The following ERP44 variants were observed in gnomAD, a reference collection of about 807,000 sequenced individuals.
ERP44 encodes endoplasmic reticulum resident protein 44.
A neutral mutation model predicts 53.4 loss-of-function variants in ERP44; 25 were observed. The observed-to-expected ratio is 0.47, with a 90% CI of 0.34 to 0.65. The LOEUF (loss-of-function observed/expected upper bound fraction) is 0.65. Among genes scored for constraint, ERP44 ranks in the 30% least tolerant of loss-of-function variants. The probability of loss-of-function intolerance (pLI) is 0.01; values close to 1 mark genes in which losing one functional copy is unlikely to be tolerated. For synonymous variants in ERP44, 145 were observed against 161.2 expected (o/e 0.90, Z 0.76); for missense variants, 338 against 493.2 (o/e 0.69, Z 2.98).
At chr9:100,063,879 G>A (rs1358114211) in intron 1 of ERP44, among the ~76,000 whole-genome samples, 1 of 152,060 alleles carries the variant, frequency 6.6e-6, no homozygotes, top group Non-Finnish European at 1.5e-5. Flanking sequence ...TGCATTTACT[G>A]TACCAACTAT....
intron 4 of ERP44, among the ~76,000 whole-genome samples, chr9:100,041,384 C>T (rs566146193): frequency 2.6e-5 from 4 of 152,192 alleles, no homozygotes; most frequent in Non-Finnish European, 5.9e-5. Flanking sequence ...AAAGAACAGA[C>T]ACAGGCCAGG....
intron 4 of ERP44, among the ~76,000 whole-genome samples, chr9:100,032,783 T>C (rs949090031): frequency 6.6e-6 from 1 of 152,222 alleles, no homozygotes; most frequent in African/African-American, 2.4e-5. Context: ...TAATCAACTC[T>C]AGAACTCTAA....
chr9:99,985,585 C>T (rs962881666), intron 10 of ERP44, among the ~76,000 whole-genome samples: 1 of 152,188 alleles, frequency 6.6e-6, no homozygotes, highest in Admixed American at 6.5e-5. Flanking sequence ...ACCAGGTGAT[C>T]CTCTGCAGCC....
chr9:100,064,827 A>T (rs745883531), intron 1 of ERP44, among the ~76,000 whole-genome samples: 36 of 152,212 alleles, frequency 2.4e-4, no homozygotes, highest in Non-Finnish European at 3.4e-4. Context: ...AAAGCTAAAA[A>T]GAAAAAAATA....
chr9:100,059,809 T>C (rs1826123186), intron 2 of ERP44, among the ~76,000 whole-genome samples: 3 of 152,178 alleles, frequency 2.0e-5, no homozygotes, highest in African/African-American at 4.8e-5. Flanking sequence ...GGCTGTGTCC[T>C]AAGGTCATTA....
chr9:100,079,943 C>CAA (rs11334671), intron 1 of ERP44, among the ~76,000 whole-genome samples: 4 of 121,502 alleles, frequency 3.3e-5, no homozygotes, highest in Non-Finnish European at 5.8e-5. Flanking sequence ...TTAAAAAAAA[C>CAA]AAAAAAAAAA....
intron 1 of ERP44, among the ~76,000 whole-genome samples, chr9:100,067,156 G>GCTCTCCCTCTCC (rs1416810019): frequency 6.6e-6 from 1 of 151,822 alleles, no homozygotes; most frequent in African/African-American, 2.4e-5. Flanking sequence ...TCTCGCTCTC[G>GCTCTCCCTCTCC]CTCTCCCTCT....
chr9:100,066,361 A>G (rs775613173), intron 1 of ERP44, among the ~76,000 whole-genome samples: 20 of 152,242 alleles, frequency 1.3e-4, no homozygotes, highest in Admixed American at 6.5e-4. Context: ...GCTCAAAAAA[A>G]CAGCTTAAAC....
intron 1 of ERP44, among the ~76,000 whole-genome samples, chr9:100,067,811 G>C (rs1264258372): frequency 6.7e-6 from 1 of 149,122 alleles, no homozygotes; most frequent in Admixed American, 6.7e-5. Context: ...GCCGCCCATC[G>C]TCTGAGATGT....
At chr9:100,056,607 T>G (rs945195442) in intron 3 of ERP44, among the ~76,000 whole-genome samples, 6 of 152,142 alleles carry the variant, frequency 3.9e-5, no homozygotes, top group African/African-American at 1.4e-4. Flanking sequence ...AGAGTAGGGG[T>G]AGGTGTATTG....
chr9:100,007,554 A>T, intron 9 of ERP44, 24 bp downstream of exon 9: 1 of 1,129,636 alleles, frequency 8.9e-7, no homozygotes, highest in Non-Finnish European at 1.3e-6. Flanking sequence ...GAAATGATGA[A>T]AATAAACACC....
chr9:100,067,671 G>C (rs1826233764), intron 1 of ERP44, among the ~76,000 whole-genome samples: 1 of 151,684 alleles, frequency 6.6e-6, no homozygotes, highest in Admixed American at 6.6e-5. Flanking sequence ...GAGTTGAGGA[G>C]CCCCTCTGCC....
intron 1 of ERP44, among the ~76,000 whole-genome samples, chr9:100,090,441 T>G (rs1461839047): frequency 2.6e-5 from 4 of 152,164 alleles, no homozygotes; most frequent in African/African-American, 9.7e-5. Flanking sequence ...CCCTACATTA[T>G]TTAAAACTTC....
At chr9:100,074,172 G>A (rs961903891) in intron 1 of ERP44, among the ~76,000 whole-genome samples, 2 of 152,152 alleles carry the variant, frequency 1.3e-5, no homozygotes, top group South Asian at 4.1e-4. Context: ...GGTAAATTTC[G>A]CTAGAGCCAA....
intron 9 of ERP44, 110 bp downstream of exon 9, chr9:100,007,468 T>C (rs1337303233): frequency 9.1e-6 from 6 of 656,968 alleles, no homozygotes; most frequent in Non-Finnish European, 1.4e-5. Flanking sequence ...AATAAGTTTT[T>C]AACCCAAATA....
chr9:100,084,856 C>G (rs925621770), intron 1 of ERP44, among the ~76,000 whole-genome samples: 6 of 152,198 alleles, frequency 3.9e-5, no homozygotes, highest in African/African-American at 9.7e-5. Context: ...TCCAGAGACA[C>G]TAGATACTAC....
chr9:100,072,558 T>C (rs1232263923), intron 1 of ERP44, among the ~76,000 whole-genome samples: 2 of 152,188 alleles, frequency 1.3e-5, no homozygotes, highest in Non-Finnish European at 2.9e-5. Context: ...GTTTTGCTCT[T>C]GTTGTCCAAG....
In ERP44 at chr9:100,022,232, A is replaced by C. The variant is rs772530487; in HGVS notation, c.287-6T>G. The C allele has an allele frequency of 6.2e-7, 1 of 1,602,866 alleles. No homozygotes were observed. Among genetic ancestry groups the C allele is most frequent in the African/African-American group, 1.3e-5 (1 of 74,210 alleles). On this transcript the variant is annotated splice_polypyrimidine_tract_variant and splice_region_variant and intron_variant, in intron 4 of 11. Coordinates refer to ENST00000262455, the MANE Select transcript of ERP44 (RefSeq NM_015051.3). ...GTATCTCTGGGCTATGTCAGCTAAAAGAATGAAAAAAAATTATTTACCCTC... is the reference window on the plus strand; with the variant it reads ...GTATCTCTGGGCTATGTCAGCTAAACGAATGAAAAAAAATTATTTACCCTC...
Position 100,021,388 on chromosome 9 carries a change from C to T in ERP44, c.471+654G>A, listed in dbSNP as rs142831412. ...GGGCAAGGAAACAAATGCAAACATGCTCACACTACTTGCTGTGATGTGAGC... is the reference window on the plus strand; with the variant it reads ...GGGCAAGGAAACAAATGCAAACATGTTCACACTACTTGCTGTGATGTGAGC... On this transcript the variant is annotated intron_variant, in intron 5 of 11. Coordinates refer to ENST00000262455, the MANE Select transcript of ERP44 (RefSeq NM_015051.3). Among the ~76,000 whole-genome samples, 5 of 152,324 alleles carry T rather than the reference C, an allele frequency of 3.3e-5. No individual in the cohort carries two copies. In the East Asian group the frequency reaches 9.7e-4, roughly 29 times the overall value.
Sources: gnomAD v4.1 joint callset for allele counts (sites outside exome capture counted in the v4.1 genomes callset) on GRCh38, gnomAD v4.1.1 for gene constraint, MANE v1.5 for transcripts, NCBI Gene and HGNC (gene_info 2026-07-23, HGNC 2026-07-21) for gene names.